The following LZTS1 variants were observed in gnomAD, a reference collection of about 807,000 sequenced individuals.
LZTS1 encodes the protein leucine zipper putative tumor suppressor 1.
LZTS1 carries 31 observed loss-of-function variants against 45.8 expected under a neutral mutation model. That is an observed-to-expected ratio of 0.68 (90% confidence interval 0.51 to 0.91). The LOEUF is 0.91. LZTS1 is among the 40% of genes least tolerant of loss of function. The probability of loss-of-function intolerance (pLI) is 0.00; values close to 1 mark genes in which losing one functional copy is unlikely to be tolerated. For synonymous variants in LZTS1, 359 were observed against 357.3 expected (o/e 1.00, Z -0.05); for missense variants, 821 against 788.9 (o/e 1.04, Z -0.49).
chr8:20,258,162 A>T (rs1475316836), intron 1 of LZTS1, among the ~76,000 whole-genome samples: 1 of 152,212 alleles, frequency 6.6e-6, no homozygotes, highest in Non-Finnish European at 1.5e-5. Context: ...TGCACTGTGA[A>T]GTATTTCTTA....
chr8:20,272,762 C>T (rs1294978525), intron 1 of LZTS1, among the ~76,000 whole-genome samples: 1 of 152,194 alleles, frequency 6.6e-6, no homozygotes, highest in Non-Finnish European at 1.5e-5. Flanking sequence ...TGCCTGTCAC[C>T]GTGAAACAGA....
intron 1 of LZTS1, among the ~76,000 whole-genome samples, chr8:20,266,556 C>T (rs1800359986): frequency 1.3e-5 from 2 of 148,414 alleles, no homozygotes; most frequent in African/African-American, 2.4e-5. Flanking sequence ...AGTGCATCCA[C>T]CCCCTTCCTC....
intron 1 of LZTS1, among the ~76,000 whole-genome samples, chr8:20,257,079 A>G (rs1044704286): frequency 1.3e-5 from 2 of 151,876 alleles, no homozygotes; most frequent in African/African-American, 2.4e-5. Context: ...GCCAGGCGCA[A>G]TGGCTCAAGC....
chr8:20,270,037 G>A (rs998630038), intron 1 of LZTS1, among the ~76,000 whole-genome samples: 5 of 152,250 alleles, frequency 3.3e-5, no homozygotes, highest in Non-Finnish European at 7.3e-5. Flanking sequence ...CTATGCCTGA[G>A]GCCCTTCCTG....
intron 1 of LZTS1, among the ~76,000 whole-genome samples, chr8:20,277,499 T>C (rs577137087): frequency 6.6e-6 from 1 of 152,334 alleles, no homozygotes; most frequent in East Asian, 1.9e-4. Context: ...CTGAATTCTT[T>C]CTTGAGCAAG....
chr8:20,266,211 C>G (rs1800351224), intron 1 of LZTS1, among the ~76,000 whole-genome samples: 1 of 152,052 alleles, frequency 6.6e-6, no homozygotes, highest in African/African-American at 2.4e-5. Flanking sequence ...TGTGCAGAGA[C>G]AGGGCAGGGC....
rs1403022217 is a variant in LZTS1, at chr8:20,248,317, C to T, written c.*1405G>A. 6.6e-6 allele frequency: 1 copy of T among 152,300 alleles called. No homozygotes were observed. The highest frequency in any genetic ancestry group is 1.9e-4 in the East Asian group (1 of 5,178). 9.4% of individuals were successfully genotyped at this position (152,300 alleles called of 1,614,324 possible). On this transcript the variant is annotated 3_prime_UTR_variant, in exon 4 of 4. Coordinates refer to ENST00000381569, the MANE Select transcript of LZTS1 (RefSeq NM_021020.5). The stretch of plus-strand genomic sequence containing the variant: ...CCTGGGGGACAGAGCAAGACCCTGT[C>T]TCATAAAATTAAAAATAAAATCCCT...
intron 1 of LZTS1, among the ~76,000 whole-genome samples, chr8:20,259,428 C>G (rs1273152838): frequency 6.6e-6 from 1 of 152,154 alleles, no homozygotes; most frequent in African/African-American, 2.4e-5. Flanking sequence ...TCATCCATCT[C>G]CTCTCACCTC....
At chr8:20,291,533 T>A (rs1277720003) in intron 1 of LZTS1, among the ~76,000 whole-genome samples, 1 of 152,190 alleles carries the variant, frequency 6.6e-6, no homozygotes, top group Admixed American at 6.5e-5. Flanking sequence ...AATGAGAAAA[T>A]TGAGGCTCAG....
rs2128890187 is a variant in LZTS1, at chr8:20,247,781, CT to C, written c.*1940del. 1 of 152,724 alleles carries C rather than the reference CT, an allele frequency of 6.5e-6. No individual in the cohort carries two copies. The highest frequency in any genetic ancestry group is 6.5e-5 in the Admixed American group (1 of 15,302). 9.5% of individuals were successfully genotyped at this position (152,724 alleles called of 1,614,324 possible). A position where few individuals can be genotyped will look rare whatever the true frequency, so the allele number is the denominator to read the frequency against. ...CAAGGAGAGAAGCATCTCCCCACCC[CT>C]ACCTCGGGGTCTCTAAGGGCCAGCG... On this transcript the variant is annotated 3_prime_UTR_variant, in exon 4 of 4. Coordinates refer to ENST00000381569, the MANE Select transcript of LZTS1 (RefSeq NM_021020.5).
intron 1 of LZTS1, among the ~76,000 whole-genome samples, chr8:20,294,501 G>A (rs953684359): frequency 7.9e-5 from 12 of 152,178 alleles, no homozygotes; most frequent in Non-Finnish European, 1.5e-4. Context: ...TGGAGGCTGG[G>A]GGCTCCGCCT....
At position 20,255,002 on chromosome 8, in the gene LZTS1, G is replaced by T. The variant is rs1388806611; in HGVS notation, c.180C>A (p.Gly60=). The change falls in exon 2 of 4, where the codon GGC becomes GGA. Residue 60 remains glycine, a synonymous_variant. Coordinates refer to ENST00000381569, the MANE Select transcript of LZTS1 (RefSeq NM_021020.5). ...TGATGTAGAAGAAGTCTTCGCTCTT[G>T]CCCATTTTGGAGCTGGACTTGCCGT... ...SGHGKSSSKM[G]KSEDFFYIKV... is the part of the protein sequence containing the mutation. The T allele has an allele frequency of 6.2e-7, 1 of 1,614,216 alleles. No individual in the cohort carries two copies. Among genetic ancestry groups the T allele is most frequent in the East Asian group, 2.2e-5 (1 of 44,886 alleles).
At position 20,253,555 on chromosome 8, in the gene LZTS1, C is replaced by G; in HGVS notation, c.376G>C (p.Ala126Pro). Residue 126 changes from alanine (A) to proline (P), a missense_variant, in exon 3 of 4, where the codon GCC (alanine) becomes CCC (proline). Physicochemically the swap from Ala to Pro is conservative, Grantham distance 27. Transcript: ENST00000381569. ...GACCGTGGCAGCACAGGCTTGAAGGCTGTGGGCCTCACTGCACCCTTCTCG... is the reference window on the plus strand; with the variant it reads ...GACCGTGGCAGCACAGGCTTGAAGGGTGTGGGCCTCACTGCACCCTTCTCG... ...GSEKGAVRPT[A>P]FKPVLPRSGA... is the part of the protein sequence containing the mutation. 2 of 1,488,276 alleles carry G rather than the reference C, an allele frequency of 1.3e-6. No individual in the cohort carries two copies. The highest frequency in any genetic ancestry group is 2.6e-5 in the South Asian group (2 of 75,914). 92.2% of individuals were successfully genotyped at this position (1,488,276 alleles called of 1,614,324 possible).
At chr8:20,255,557 A>T (rs1329943840) in intron 1 of LZTS1, among the ~76,000 whole-genome samples, 1 of 152,224 alleles carries the variant, frequency 6.6e-6, no homozygotes, top group Admixed American at 6.5e-5. Context: ...AAACAGTCAC[A>T]GTCCCTGCAT....
Position 20,249,591 on chromosome 8 carries a change from C to T in LZTS1, c.*131G>A, listed in dbSNP as rs1449221159. 9 of 1,169,070 alleles carry T rather than the reference C, an allele frequency of 7.7e-6. No individual in the cohort carries two copies. Among genetic ancestry groups the T allele is most frequent in the South Asian group, 3.1e-5 (2 of 64,378 alleles). The allele number at this position is 1,169,070 out of a possible 1,614,324, so 72.4% of individuals were successfully genotyped here. A position where few individuals can be genotyped will look rare whatever the true frequency, so the allele number is the denominator to read the frequency against. ...AGGAAAGGCCATCCTGCCCTCCCCT[C>T]GGGGGTCCTGGGTCTGTGTCCCAGG... On this transcript the variant is annotated 3_prime_UTR_variant, in exon 4 of 4. Transcript: ENST00000381569.
intron 1 of LZTS1, among the ~76,000 whole-genome samples, chr8:20,279,891 G>A (rs919844799): frequency 6.6e-6 from 1 of 151,572 alleles, no homozygotes; most frequent in African/African-American, 2.4e-5. Context: ...GGAGGCTGAG[G>A]TGGGAGGATC....
intron 1 of LZTS1, among the ~76,000 whole-genome samples, chr8:20,255,527 C>A (rs760597351): frequency 2.6e-5 from 4 of 152,152 alleles, no homozygotes; most frequent in African/African-American, 9.7e-5. Flanking sequence ...TCTAAACACT[C>A]GGGACCCAGC....
At chr8:20,260,792 G>T (rs1313958136) in intron 1 of LZTS1, among the ~76,000 whole-genome samples, 1 of 152,302 alleles carries the variant, frequency 6.6e-6, no homozygotes. Flanking sequence ...CTGAAGAATG[G>T]CCACCTCCAG....
At chr8:20,284,303 A>C (rs1248183807) in intron 1 of LZTS1, among the ~76,000 whole-genome samples, 1 of 152,208 alleles carries the variant, frequency 6.6e-6, no homozygotes, top group Non-Finnish European at 1.5e-5. Flanking sequence ...GCCATTTAAA[A>C]GGGAGTCACT....
Sources: allele counts gnomAD v4.1 joint callset (sites outside exome capture counted in the v4.1 genomes callset), GRCh38; gene constraint gnomAD v4.1.1; transcripts MANE v1.5; gene names NCBI Gene and HGNC (gene_info 2026-07-23, HGNC 2026-07-21).